CDYL: variants seen among roughly 807,000 people sequenced by gnomAD.
The protein encoded by CDYL is chromodomain Y-like protein.
In CDYL, 8 loss-of-function variants were observed where a neutral mutation model predicts 47.3. The ratio of observed to expected loss-of-function variants is 0.17; its 90% CI spans 0.10 to 0.31. CDYL has a LOEUF of 0.31. CDYL is among the 10% of genes least tolerant of loss of function. CDYL has a pLI of 1.00. For missense variants in CDYL, 471 were observed against 701.4 expected, an observed-to-expected ratio of 0.67 and a Z score of 3.71; for synonymous variants, 266 against 265.0, an observed-to-expected ratio of 1.00 and a Z score of -0.04.
chr6:4,835,934 G>A (rs1455878739), intron 1 of CDYL, among the ~76,000 whole-genome samples: 3 of 152,230 alleles, frequency 2.0e-5, no homozygotes, highest in Non-Finnish European at 4.4e-5. Context: ...CGTCAGAAAA[G>A]CGCAGTATTC....
At chr6:4,902,219 A>G (rs1404387878) in intron 2 of CDYL, among the ~76,000 whole-genome samples, 1 of 151,620 alleles carries the variant, frequency 6.6e-6, no homozygotes, top group Non-Finnish European at 1.5e-5. Flanking sequence ...ACCAACATGG[A>G]AAAACCCTGT....
chr6:4,847,802 C>T (rs1225032572), intron 1 of CDYL, among the ~76,000 whole-genome samples: 3 of 152,166 alleles, frequency 2.0e-5, no homozygotes, highest in Non-Finnish European at 4.4e-5. Flanking sequence ...CTGTGTCTCC[C>T]TACAGCCAAG....
intron 2 of CDYL, among the ~76,000 whole-genome samples, chr6:4,929,398 ATAGT>A (rs138549140): frequency 0.022 from 3,299 of 150,958 alleles, 115 homozygotes; most frequent in African/African-American, 0.076. Context: ...TGTATTTATC[ATAGT>A]TAGTATTTTT....
intron 3 of CDYL, among the ~76,000 whole-genome samples, chr6:4,747,323 ATC>A (rs1338854563): frequency 6.6e-6 from 1 of 151,266 alleles, no homozygotes; most frequent in Non-Finnish European, 1.5e-5. Context: ...AAAAAAAAAA[ATC>A]ATGGGCATTA....
intron 2 of CDYL, among the ~76,000 whole-genome samples, chr6:4,922,580 T>C (rs1040633765): frequency 1.3e-5 from 2 of 152,250 alleles, no homozygotes; most frequent in African/African-American, 4.8e-5. Flanking sequence ...GTAATCCAGG[T>C]GGTGCCCACC....
intron 1 of CDYL, among the ~76,000 whole-genome samples, chr6:4,866,377 A>G (rs1159390983): frequency 1.3e-5 from 2 of 152,178 alleles, no homozygotes; most frequent in African/African-American, 4.8e-5. Flanking sequence ...GTGGCAGTTT[A>G]TCAAGTAGAA....
intron 1 of CDYL, among the ~76,000 whole-genome samples, chr6:4,870,605 T>C (rs1251172649): frequency 6.6e-6 from 1 of 152,160 alleles, no homozygotes; most frequent in East Asian, 1.9e-4. Flanking sequence ...GTTCCTTCTC[T>C]CTCCCCTCTC....
At chr6:4,744,582 A>G (rs1757855188) in intron 3 of CDYL, among the ~76,000 whole-genome samples, 1 of 152,210 alleles carries the variant, frequency 6.6e-6, no homozygotes, top group Admixed American at 6.5e-5. Flanking sequence ...ACTACCACTG[A>G]TTACTTTAAG....
intron 2 of CDYL, chr6:4,724,867 A>G (rs1195730123): frequency 3.3e-5 from 5 of 152,176 alleles, no homozygotes; most frequent in Non-Finnish European, 5.9e-5. Flanking sequence ...ACCGTGGAAA[A>G]AGACCACAGC....
chr6:4,787,606 A>G (rs1467540253), intron 1 of CDYL, among the ~76,000 whole-genome samples: 1 of 152,106 alleles, frequency 6.6e-6, no homozygotes, highest in Non-Finnish European at 1.5e-5. Context: ...CAGCTTGCCC[A>G]GGAACCTAAC....
chr6:4,788,606 G>A (rs1422996880), intron 1 of CDYL, among the ~76,000 whole-genome samples: 1 of 151,778 alleles, frequency 6.6e-6, no homozygotes, highest in Non-Finnish European at 1.5e-5. Context: ...CCCTGAAGGT[G>A]GGTCAGGAAC....
chr6:4,821,303 ACT>A (rs1477057583), intron 1 of CDYL, among the ~76,000 whole-genome samples: 9 of 112,050 alleles, frequency 8.0e-5, no homozygotes, highest in Admixed American at 1.4e-4. Context: ...ACGGAGTCTC[ACT>A]CTCACTCTGT....
At position 4,853,205 on chromosome 6, in the gene CDYL, C is replaced by T. The variant is rs567080339; in HGVS notation, c.25-38508C>T. On this transcript the variant is annotated intron_variant, in intron 1 of 6. Transcript: ENST00000397588. ...CTCATGCAGTTGATGACAGTAATTC[C>T]GTAGCCATTACTGAGCATGTACATT... Among the ~76,000 whole-genome samples the T allele has an allele frequency of 1.2e-4, 19 of 152,268 alleles. No individual in the cohort carries two copies. The South Asian group carries it at 3.7e-3, about 30-fold the overall frequency.
intron 2 of CDYL, among the ~76,000 whole-genome samples, chr6:4,718,274 TGGTGG>T (rs199547000): frequency 6.6e-6 from 1 of 152,046 alleles, no homozygotes; most frequent in South Asian, 2.1e-4. Context: ...GTGGTGGTGG[TGGTGG>T]TTTTTTTCTG....
intron 1 of CDYL, among the ~76,000 whole-genome samples, chr6:4,796,299 C>T (rs1406667980): frequency 2.0e-5 from 3 of 151,962 alleles, no homozygotes; most frequent in Non-Finnish European, 4.4e-5. Context: ...AAAATGAAAA[C>T]CAAAAAATGA....
At chr6:4,810,484 C>A (rs1759497274) in intron 1 of CDYL, among the ~76,000 whole-genome samples, 1 of 152,114 alleles carries the variant, frequency 6.6e-6, no homozygotes, top group South Asian at 2.1e-4. Flanking sequence ...CAGTGTTGGA[C>A]CTGAGACTTT....
chr6:4,950,792 C>T (rs942275414), intron 5 of CDYL, among the ~76,000 whole-genome samples: 1 of 151,978 alleles, frequency 6.6e-6, no homozygotes, highest in African/African-American at 2.4e-5. Flanking sequence ...ATTAGCCGGG[C>T]GTGGTGGCGG....
At chr6:4,917,443 C>G (rs960684322) in intron 2 of CDYL, among the ~76,000 whole-genome samples, 1 of 152,048 alleles carries the variant, frequency 6.6e-6, no homozygotes, top group Non-Finnish European at 1.5e-5. Context: ...GTAGCTTTGC[C>G]TTTGTAGTTT....
At chr6:4,785,656 CA>C (rs930175673) in intron 1 of CDYL, among the ~76,000 whole-genome samples, 1 of 152,098 alleles carries the variant, frequency 6.6e-6, no homozygotes, top group Admixed American at 6.6e-5. Context: ...AGAACCAGGA[CA>C]AAAAAAGTCA....
Sources: allele counts gnomAD v4.1 joint callset (sites outside exome capture counted in the v4.1 genomes callset), GRCh38; gene constraint gnomAD v4.1.1; transcripts MANE v1.5; gene names NCBI Gene and HGNC (gene_info 2026-07-23, HGNC 2026-07-21).